The following DNAH5 variants were observed in gnomAD, a reference collection of about 807,000 sequenced individuals.
DNAH5 encodes the protein axonemal beta dynein heavy chain 5.
Under a neutral mutation model 518.2 loss-of-function variants are expected in DNAH5, and 372 were observed. That is an observed-to-expected ratio of 0.72 (90% confidence interval 0.66 to 0.78). DNAH5 has a LOEUF of 0.78. Among genes scored for constraint, DNAH5 ranks in the 30% least tolerant of loss-of-function variants. The pLI, the probability that DNAH5 is intolerant of heterozygous loss-of-function variation, is 0.00. For synonymous variants in DNAH5, 2,039 were observed against 2,025.9 expected, an observed-to-expected ratio of 1.01 and a Z score of -0.17; for missense variants, 5,523 against 5,687.0, an observed-to-expected ratio of 0.97 and a Z score of 0.93.
chr5:13,732,448 C>T (rs1194416851), intron 68 of DNAH5, among the ~76,000 whole-genome samples: 1 of 152,128 alleles, frequency 6.6e-6, no homozygotes, highest in Admixed American at 6.5e-5. Context: ...CTCACTGCAA[C>T]CTCCGCCTCC....
intron 70 of DNAH5, among the ~76,000 whole-genome samples, chr5:13,722,778 A>C (rs902877781): frequency 1.3e-5 from 2 of 152,222 alleles, no homozygotes; most frequent in Non-Finnish European, 2.9e-5. Context: ...CCTTCTTCTA[A>C]AGTCATAATC....
At chr5:13,767,001 A>G (rs1164030156) in intron 58 of DNAH5, among the ~76,000 whole-genome samples, 1 of 146,294 alleles carries the variant, frequency 6.8e-6, no homozygotes, top group East Asian at 1.9e-4. Flanking sequence ...GTAACCAATG[A>G]CCTTCACATA....
chr5:13,734,728 T>C (rs971674502), intron 68 of DNAH5, among the ~76,000 whole-genome samples: 18 of 152,186 alleles, frequency 1.2e-4, no homozygotes, highest in Non-Finnish European at 2.6e-4. Flanking sequence ...AATATCCCAT[T>C]GAATACCTCA....
At chr5:13,839,263 G>A (rs1326329711) in intron 35 of DNAH5, 93 bp downstream of exon 35, 20 of 1,116,576 alleles carry the variant, frequency 1.8e-5, no homozygotes, top group Non-Finnish European at 2.7e-5. Context: ...TTAGTATAAA[G>A]AGCCTATAAA....
intron 12 of DNAH5, among the ~76,000 whole-genome samples, chr5:13,910,949 A>G (rs936232314): frequency 3.3e-5 from 5 of 152,160 alleles, no homozygotes; most frequent in African/African-American, 1.2e-4. Flanking sequence ...CCAGGTGCTG[A>G]GTCGGTCCTG....
chr5:13,861,998 A>C (rs1197203962), intron 29 of DNAH5, among the ~76,000 whole-genome samples: 4 of 151,692 alleles, frequency 2.6e-5, no homozygotes, highest in Non-Finnish European at 5.9e-5. Flanking sequence ...GTACCCCATA[A>C]ATTTGTACAA....
chr5:13,939,042 C>T (rs1779223197), intron 1 of DNAH5, among the ~76,000 whole-genome samples: 1 of 152,150 alleles, frequency 6.6e-6, no homozygotes, highest in Admixed American at 6.5e-5. Flanking sequence ...ATTACCTGAT[C>T]CTTCTTATCT....
rs545604933 is a variant in DNAH5, at chr5:13,804,139, A to T, written c.7887+3452T>A. Among the ~76,000 whole-genome samples, 22 of 152,308 alleles carry T rather than the reference A, an allele frequency of 1.4e-4. 1 individual carries two copies. Among genetic ancestry groups the T allele is most frequent in the South Asian group, 1.0e-3 (5 of 4,824 alleles). On this transcript the variant is annotated intron_variant, in intron 47 of 78. Transcript: ENST00000265104. ...GGGGGAAAAATGAGGAATCTTTCTT[A>T]AAAAATGGACTAAATTCCCTTAGCC...
chr5:13,996,737 C>T (rs1440235804), intron 1 of DNAH5, among the ~76,000 whole-genome samples: 1 of 152,264 alleles, frequency 6.6e-6, no homozygotes, highest in Non-Finnish European at 1.5e-5. Flanking sequence ...TTGCTGGGCA[C>T]AGCCCACGGG....
chr5:13,782,754 C>T (rs1439334671), intron 52 of DNAH5, among the ~76,000 whole-genome samples: 1 of 152,182 alleles, frequency 6.6e-6, no homozygotes, highest in Non-Finnish European at 1.5e-5. Context: ...ATGGTAAACC[C>T]TCAAAACATA....
intron 68 of DNAH5, among the ~76,000 whole-genome samples, chr5:13,734,287 A>G (rs1179152567): frequency 6.6e-6 from 1 of 152,226 alleles, no homozygotes; most frequent in Non-Finnish European, 1.5e-5. Context: ...TAGAACTGTG[A>G]AAAATAAATG....
intron 1 of DNAH5, among the ~76,000 whole-genome samples, chr5:13,986,838 T>G (rs924092185): frequency 6.6e-6 from 1 of 152,226 alleles, no homozygotes; most frequent in African/African-American, 2.4e-5. Context: ...ATAATCGATA[T>G]TTACTTCGTT....
intron 1 of DNAH5, among the ~76,000 whole-genome samples, chr5:13,961,428 G>C: frequency 6.6e-6 from 1 of 152,120 alleles, no homozygotes; most frequent in African/African-American, 2.4e-5. Flanking sequence ...CAGATCGCCT[G>C]AGGTTAGGAG....
chr5:13,794,719 A>C (rs1468176793), intron 47 of DNAH5, among the ~76,000 whole-genome samples: 2 of 152,176 alleles, frequency 1.3e-5, no homozygotes, highest in African/African-American at 4.8e-5. Context: ...TAATCCCAGC[A>C]CTTTGGGAGG....
chr5:13,718,987 T>C lies in DNAH5; in HGVS notation c.12394A>G (p.Thr4132Ala), dbSNP rs961389329. The C allele has an allele frequency of 6.2e-7, 1 of 1,613,932 alleles. No homozygotes were observed. The highest frequency in any genetic ancestry group is 8.5e-7 in the Non-Finnish European group (1 of 1,179,942). Reference protein sequence around the residue: ...VHDAFRLWMTTEAHKQFPITL... With the variant: ...VHDAFRLWMTAEAHKQFPITL... ...ATGGGAAACTGCTTATGAGCCTCGG[T>C]GGTCATCCAGAGGCGGAACGCATCA... is the stretch of plus-strand genomic sequence containing the variant. Residue 4132 changes from threonine to alanine, a missense_variant, in exon 72 of 79, where the codon ACC becomes GCC. Physicochemically the swap from Thr to Ala is moderately conservative, Grantham distance 58. Around this residue, in one of 3 missense-constraint regions of DNAH5, gnomAD observed 5,121 missense variants for 5,223.3 expected, o/e 0.98. Coordinates refer to ENST00000265104, the MANE Select transcript of DNAH5 (RefSeq NM_001369.3).
chr5:13,953,896 C>T (rs1001607106), intron 1 of DNAH5, among the ~76,000 whole-genome samples: 15 of 152,170 alleles, frequency 9.9e-5, no homozygotes, highest in African/African-American at 2.9e-4. Context: ...TTGGTAGAGA[C>T]GAGGTTTCAC....
At chr5:13,768,243 T>G (rs908010291) in intron 58 of DNAH5, among the ~76,000 whole-genome samples, 2 of 152,140 alleles carry the variant, frequency 1.3e-5, no homozygotes, top group African/African-American at 4.8e-5. Flanking sequence ...CATGCTGTTC[T>G]CATGATGGTG....
At chr5:13,766,574 G>A (rs970796732) in intron 58 of DNAH5, among the ~76,000 whole-genome samples, 1 of 152,180 alleles carries the variant, frequency 6.6e-6, no homozygotes, top group African/African-American at 2.4e-5. Flanking sequence ...AGCTATGTAG[G>A]TCAAGAATCT....
At chr5:13,822,677 A>C (rs762872579) in intron 40 of DNAH5, among the ~76,000 whole-genome samples, 2 of 152,240 alleles carry the variant, frequency 1.3e-5, no homozygotes, top group Non-Finnish European at 2.9e-5. Context: ...TTGAGGCATA[A>C]GGTTTACGTA....
Sources: allele counts gnomAD v4.1 joint callset (sites outside exome capture counted in the v4.1 genomes callset), GRCh38; gene constraint gnomAD v4.1.1; regional missense constraint gnomAD v4.1.1; transcripts MANE v1.5; gene names NCBI Gene and HGNC (gene_info 2026-07-23, HGNC 2026-07-21).